Variants in FBXL7 observed in about 807,000 individuals in gnomAD.
FBXL7 encodes F-box and leucine rich repeat protein 7.
FBXL7 carries 12 observed loss-of-function variants against 38.3 expected under a neutral mutation model. That is an observed-to-expected ratio of 0.31 (90% CI 0.20 to 0.51). FBXL7 has a LOEUF of 0.51. FBXL7 is among the 20% of genes least tolerant of loss of function. The pLI is 0.98. For missense variants in FBXL7, 567 were observed against 676.4 expected, an observed-to-expected ratio of 0.84 and a Z score of 1.79; for synonymous variants, 297 against 300.9, an observed-to-expected ratio of 0.99 and a Z score of 0.13.
chr5:15,819,846 C>T (rs953566315), intron 2 of FBXL7, among the ~76,000 whole-genome samples: 3 of 152,182 alleles, frequency 2.0e-5, no homozygotes, highest in Non-Finnish European at 4.4e-5. Flanking sequence ...ATAGCTACTT[C>T]AGAAGGAGGG....
intron 2 of FBXL7, among the ~76,000 whole-genome samples, chr5:15,730,048 C>G (rs1735537789): frequency 6.6e-6 from 1 of 152,164 alleles, no homozygotes. Flanking sequence ...TGCAAAACAT[C>G]TAGACCACTA....
At chr5:15,645,740 A>G (rs576841011) in intron 2 of FBXL7, among the ~76,000 whole-genome samples, 159 of 152,368 alleles carry the variant, frequency 1.0e-3, no homozygotes, top group African/African-American at 3.7e-3. Context: ...TCTGAAAAGT[A>G]TCATTGTAAC....
intron 2 of FBXL7, among the ~76,000 whole-genome samples, chr5:15,649,646 T>C (rs1271612465): frequency 1.3e-5 from 2 of 152,176 alleles, no homozygotes; most frequent in African/African-American, 2.4e-5. Context: ...CAGCAAGATA[T>C]AACTTGCCCT....
chr5:15,927,774 AAAAAAAAAAAAAAG>A (rs1316231188), intron 2 of FBXL7, 102 bp from the exon 3 acceptor site: 8 of 760,202 alleles, frequency 1.1e-5, no homozygotes, highest in Non-Finnish European at 1.4e-5. Flanking sequence ...TAAAAAAAAA[AAAAAAAAAAAAAAG>A]AAGAAGAAAG....
At chr5:15,563,878 A>G (rs1399191694) in intron 1 of FBXL7, among the ~76,000 whole-genome samples, 2 of 151,998 alleles carry the variant, frequency 1.3e-5, no homozygotes, top group Admixed American at 1.3e-4. Context: ...CAAGCTCCAG[A>G]GTTGTGCCTT....
At chr5:15,786,021 C>T (rs1252907829) in intron 2 of FBXL7, among the ~76,000 whole-genome samples, 3 of 152,150 alleles carry the variant, frequency 2.0e-5, no homozygotes, top group Non-Finnish European at 4.4e-5. Context: ...GCTAGACTGT[C>T]ATCATAAAGT....
intron 2 of FBXL7, among the ~76,000 whole-genome samples, chr5:15,751,938 C>A (rs1056061093): frequency 6.6e-6 from 1 of 152,120 alleles, no homozygotes; most frequent in African/African-American, 2.4e-5. Context: ...AAGGGAGACC[C>A]AATGTCTCTC....
At chr5:15,770,580 T>A (rs564427844) in intron 2 of FBXL7, among the ~76,000 whole-genome samples, 68 of 152,298 alleles carry the variant, frequency 4.5e-4, no homozygotes, top group Admixed American at 2.4e-3. Flanking sequence ...GACTTTTTCA[T>A]ATGAGATGAA....
intron 2 of FBXL7, among the ~76,000 whole-genome samples, chr5:15,685,641 A>G: frequency 6.6e-6 from 1 of 152,186 alleles, no homozygotes. Context: ...GGCAGAACTG[A>G]GTTCAGGTCC....
chr5:15,514,017 A>G (rs896650683), intron 1 of FBXL7, among the ~76,000 whole-genome samples: 1 of 152,126 alleles, frequency 6.6e-6, no homozygotes, highest in Non-Finnish European at 1.5e-5. Flanking sequence ...CTAAAGCCAT[A>G]ACAACATGAA....
At chr5:15,587,433 C>T (rs1739337618) in intron 1 of FBXL7, among the ~76,000 whole-genome samples, 1 of 152,294 alleles carries the variant, frequency 6.6e-6, no homozygotes, top group Admixed American at 6.5e-5. Flanking sequence ...TATGCATTTT[C>T]TCCAGGCACC....
At chr5:15,569,103 G>T (rs1305346299) in intron 1 of FBXL7, among the ~76,000 whole-genome samples, 1 of 152,164 alleles carries the variant, frequency 6.6e-6, no homozygotes, top group Non-Finnish European at 1.5e-5. Flanking sequence ...AAACTTTAAA[G>T]TAGTTTTTTC....
chr5:15,714,720 G>A (rs748218528), intron 2 of FBXL7, among the ~76,000 whole-genome samples: 18 of 151,924 alleles, frequency 1.2e-4, no homozygotes, highest in African/African-American at 3.9e-4. Flanking sequence ...ATGGTGGCGG[G>A]CGCCTGTAGT....
intron 1 of FBXL7, among the ~76,000 whole-genome samples, chr5:15,540,614 C>T (rs1298999801): frequency 6.6e-6 from 1 of 152,146 alleles, no homozygotes; most frequent in African/African-American, 2.4e-5. Context: ...TAACAAAGTA[C>T]CATACCCTGG....
intron 2 of FBXL7, among the ~76,000 whole-genome samples, chr5:15,697,460 A>C (rs1333295907): frequency 1.3e-5 from 2 of 152,144 alleles, no homozygotes; most frequent in South Asian, 4.1e-4. Flanking sequence ...TAGAGAGCAT[A>C]TGTAGAGTTT....
intron 1 of FBXL7, among the ~76,000 whole-genome samples, chr5:15,592,613 C>T (rs1739514938): frequency 6.6e-6 from 1 of 152,092 alleles, no homozygotes; most frequent in Non-Finnish European, 1.5e-5. Context: ...AATGTTGTGC[C>T]ATTTGTCCCT....
intron 2 of FBXL7, among the ~76,000 whole-genome samples, chr5:15,890,335 G>A (rs1442229320): frequency 2.0e-5 from 3 of 152,038 alleles, no homozygotes; most frequent in East Asian, 1.9e-4. Flanking sequence ...TGCAACCTCC[G>A]CCTCCCGGGT....
chr5:15,822,354 T>G (rs977842557), intron 2 of FBXL7, among the ~76,000 whole-genome samples: 6 of 151,928 alleles, frequency 3.9e-5, no homozygotes, highest in Admixed American at 3.9e-4. Flanking sequence ...AGAGCACGAC[T>G]CCATCTCAAA....
intron 1 of FBXL7, among the ~76,000 whole-genome samples, chr5:15,591,381 A>C (rs1474973211): frequency 6.6e-6 from 1 of 151,070 alleles, no homozygotes; most frequent in Non-Finnish European, 1.5e-5. Context: ...GTGAGCTGTG[A>C]TCGCACCACT....
Sources: gnomAD v4.1 joint callset for allele counts (sites outside exome capture counted in the v4.1 genomes callset) on GRCh38, gnomAD v4.1.1 for gene constraint, MANE v1.5 for transcripts, NCBI Gene and HGNC (gene_info 2026-07-23, HGNC 2026-07-21) for gene names.